BORCS8: variants seen among roughly 807,000 people sequenced by gnomAD.
The protein encoded by BORCS8 is BLOC-1 related complex subunit 8.
Under a neutral mutation model 18.7 loss-of-function variants are expected in BORCS8, and 13 were observed. The ratio of observed to expected loss-of-function variants is 0.70; its 90% CI spans 0.45 to 1.11. BORCS8 has a LOEUF of 1.11. Among genes scored for constraint, BORCS8 ranks in the 50% least tolerant of loss-of-function variants. The pLI is 0.00. For synonymous variants in BORCS8, 68 were observed against 64.8 expected (o/e 1.05, Z -0.24); for missense variants, 165 against 165.7 (o/e 1.00, Z 0.02).
chr19:19,187,088 G>T, intron 1 of BORCS8, 83 bp from the exon 2 acceptor site: 2 of 1,048,952 alleles, frequency 1.9e-6, no homozygotes, highest in Non-Finnish European at 1.4e-6. Flanking sequence ...AGCCCAGCCA[G>T]AGCAAAGGGG....
At position 19,182,628 on chromosome 19, in the gene BORCS8, G is replaced by A. The variant is rs879520465; in HGVS notation, c.271C>T (p.Leu91Phe). The A allele has an allele frequency of 1.9e-6, 3 of 1,551,240 alleles. No homozygotes were observed. The highest frequency in any genetic ancestry group is 2.6e-6 in the Non-Finnish European group (3 of 1,146,942). The change falls in exon 4 of 6, where the codon CTC (leucine) becomes TTC (phenylalanine). Residue 91 changes from leucine to phenylalanine, a missense_variant. Transcript: ENST00000462790. This position sits in a 1 kb window ranked among gnomAD's most constrained non-coding sequence, Gnocchi z 4.1. ...TCCCGGATGCTGATGGCCTGTTTGAGCAGACCCTCCACGCTGCGGAAGTAG... is the reference window on the plus strand; with the variant it reads ...TCCCGGATGCTGATGGCCTGTTTGAACAGACCCTCCACGCTGCGGAAGTAG... Reference protein sequence around the residue: ...SVYFRSVEGLLKQAISIRDHM... With the variant: ...SVYFRSVEGLFKQAISIRDHM...
chr19:19,186,800 A>T (rs1258812248), intron 2 of BORCS8, 93 bp downstream of exon 2: 2 of 848,948 alleles, frequency 2.4e-6, no homozygotes, highest in Non-Finnish European at 3.6e-6. Context: ...CACGCCTCTG[A>T]CCTGGCTTTG....
chr19:19,182,072 T>A lies in BORCS8; in HGVS notation c.326+501A>T, dbSNP rs1451073226. 2.0e-6 allele frequency: 2 copies of A among 984,102 alleles called. No individual in the cohort carries two copies. Among genetic ancestry groups the A allele is most frequent in the Non-Finnish European group, 2.4e-6 (2 of 829,160 alleles). 61.0% of individuals were successfully genotyped at this position (984,102 alleles called of 1,614,324 possible). ...GGCCCCTGCCATCTCCCTGGCCCCA[T>A]CTCCCCCAGCTGGCCGGCTCCAGCC... On this transcript the variant is annotated intron_variant, in intron 4 of 5. Coordinates refer to ENST00000462790, the MANE Select transcript of BORCS8 (RefSeq NM_001145784.2). This position sits in a 1 kb window ranked among gnomAD's most constrained non-coding sequence, Gnocchi z 4.1.
chr19:19,191,171 G>A (rs1332984506), intron 1 of BORCS8, among the ~76,000 whole-genome samples: 2 of 152,054 alleles, frequency 1.3e-5, no homozygotes, highest in Non-Finnish European at 2.9e-5. Context: ...TGAGCAACAA[G>A]GTGAAACCCC....
At position 19,182,776 on chromosome 19, in the gene BORCS8, G is replaced by A. The variant is rs1383824513; in HGVS notation, c.216-93C>T. On this transcript the variant is annotated intron_variant, in intron 3 of 5. Transcript: ENST00000462790. The surrounding 1 kb of genome is among the most constrained non-coding windows in gnomAD (Gnocchi z 4.1). ...TGAGGTCACCACCAGGGCTCGGTGG[G>A]TACCTCAGTGATTCTGCGGGCTTCC... is the stretch of plus-strand genomic sequence containing the variant. 1.4e-6 allele frequency: 2 copies of A among 1,423,722 alleles called. No homozygotes were observed. Among genetic ancestry groups the A allele is most frequent in the African/African-American group, 1.4e-5 (1 of 69,830 alleles). The allele number at this position is 1,423,722 out of a possible 1,614,324, so 88.2% of individuals were successfully genotyped here. A position where few individuals can be genotyped will look rare whatever the true frequency, so the allele number is the denominator to read the frequency against.
chr19:19,189,338 CCTT>C (rs1292031636), intron 1 of BORCS8, among the ~76,000 whole-genome samples: 1 of 152,166 alleles, frequency 6.6e-6, no homozygotes, highest in Non-Finnish European at 1.5e-5. Context: ...GCCAGATCCA[CCTT>C]CTCCCTGGCC....
intron 1 of BORCS8, among the ~76,000 whole-genome samples, chr19:19,188,542 C>T (rs1367581974): frequency 6.6e-6 from 1 of 152,130 alleles, no homozygotes; most frequent in East Asian, 1.9e-4. Context: ...ATTCTTTTTG[C>T]CCCCGTGACC....
In BORCS8 at chr19:19,182,607, G is replaced by A. The variant is rs1022797733; in HGVS notation, c.292C>T (p.Arg98Trp). The A allele has an allele frequency of 4.1e-5, 64 of 1,551,064 alleles. No individual in the cohort carries two copies. Among genetic ancestry groups the A allele is most frequent in the Non-Finnish European group, 5.5e-5 (63 of 1,146,916 alleles). The stretch of plus-strand genomic sequence containing the variant: ...TGGGCACTGGCATTCATATGGTCCC[G>A]GATGCTGATGGCCTGTTTGAGCAGA... ...EGLLKQAISIRDHMNASAQGH... is the reference protein window; with the variant it reads ...EGLLKQAISIWDHMNASAQGH... Residue 98 changes from arginine (R) to tryptophan (W), a missense_variant, in exon 4 of 6, where the codon CGG becomes TGG. Physicochemically the swap from Arg to Trp is moderately radical, Grantham distance 101 (BLOSUM62 -3). Coordinates refer to ENST00000462790, the MANE Select transcript of BORCS8 (RefSeq NM_001145784.2). The surrounding 1 kb of genome is among the most constrained non-coding windows in gnomAD (Gnocchi z 4.1).
intron 4 of BORCS8, 73 bp from the exon 5 acceptor site, chr19:19,180,834 G>A (rs757518825): frequency 2.1e-5 from 30 of 1,424,032 alleles, no homozygotes; most frequent in Non-Finnish European, 2.7e-5. Flanking sequence ...TGGCTGGAGT[G>A]TATGTTTGGG....
At chr19:19,191,194 A>T (rs868163145) in intron 1 of BORCS8, among the ~76,000 whole-genome samples, 2 of 152,122 alleles carry the variant, frequency 1.3e-5, no homozygotes, top group Non-Finnish European at 2.9e-5. Flanking sequence ...CTCTACTAAA[A>T]ATACAAAAAA....
At chr19:19,180,903 G>T (rs1333047562) in intron 4 of BORCS8, 142 bp from the exon 5 acceptor site, 5 of 863,988 alleles carry the variant, frequency 5.8e-6, no homozygotes, top group East Asian at 2.9e-5. Flanking sequence ...GCTTAAAAGT[G>T]GGATGAGTGG....
At chr19:19,191,228 G>T (rs964737031) in intron 1 of BORCS8, among the ~76,000 whole-genome samples, 8 of 151,878 alleles carry the variant, frequency 5.3e-5, no homozygotes, top group African/African-American at 1.9e-4. Context: ...GGGGGTGTGT[G>T]CCTGTAATCC....
In BORCS8 at chr19:19,182,653, G is replaced by C. The variant is rs769728175; in HGVS notation, c.246C>G (p.Val82=). ...GCAGACCCTCCACGCTGCGGAAGTA[G>C]ACGCTGCTGTCCACCAGGTTCTTCA... The part of the protein sequence containing the change: ...SAVKNLVDSS[V]YFRSVEGLLK... The change falls in exon 4 of 6, where the codon GTC becomes GTG. Residue 82 remains valine (V), a synonymous_variant. Transcript: ENST00000462790. The surrounding 1 kb of genome is among the most constrained non-coding windows in gnomAD (Gnocchi z 4.1). 1.9e-6 allele frequency: 3 copies of C among 1,551,190 alleles called. No homozygotes were observed. The highest frequency in any genetic ancestry group is 1.2e-5 in the South Asian group (1 of 84,044).
intron 3 of BORCS8, among the ~76,000 whole-genome samples, chr19:19,183,325 GCA>G (rs2060369039): frequency 6.6e-6 from 1 of 151,556 alleles, no homozygotes; most frequent in Non-Finnish European, 1.5e-5. Flanking sequence ...CAGGAGAATG[GCA>G]TGAACCTGGG....
At chr19:19,181,873 G>GA (rs2060352486) in intron 4 of BORCS8, 1 of 985,468 alleles carries the variant, frequency 1.0e-6, no homozygotes. Flanking sequence ...CCTGGCACAT[G>GA]AGTGTGTGTT....
chr19:19,181,136 A>C lies in BORCS8; in HGVS notation c.327-375T>G, dbSNP rs1825324774. On this transcript the variant is annotated intron_variant, in intron 4 of 5. Transcript: ENST00000462790. Reference sequence around the variant, plus strand: ...CTTGGAACCCAGAGAGGGAGGCTGGAGTGAGCTAAGATCGCACCAGTGCAC... The same window carrying C: ...CTTGGAACCCAGAGAGGGAGGCTGGCGTGAGCTAAGATCGCACCAGTGCAC... Among the ~76,000 whole-genome samples the C allele has an allele frequency of 2.0e-5, 3 of 150,884 alleles. No individual in the cohort carries two copies. The South Asian group carries it at 6.3e-4, about 32-fold the overall frequency.
intron 5 of BORCS8, chr19:19,179,370 AG>A: frequency 6.5e-6 from 1 of 152,696 alleles, no homozygotes; most frequent in South Asian, 2.1e-4. Context: ...ACAGGTACTC[AG>A]GAAGTATGCA....
chr19:19,178,501 G>A (rs113024817), intron 5 of BORCS8: 398 of 152,742 alleles, frequency 2.6e-3, no homozygotes, highest in African/African-American at 9.0e-3. Context: ...TTCTGGGCGT[G>A]GGCGATGACC....
intron 4 of BORCS8, among the ~76,000 whole-genome samples, chr19:19,181,208 A>G (rs1428669657): frequency 4.1e-5 from 6 of 145,710 alleles, no homozygotes; most frequent in Non-Finnish European, 6.1e-5. Context: ...AAAAAAAAAA[A>G]GGGACAAATG....
Sources: gnomAD v4.1 joint callset for allele counts (sites outside exome capture counted in the v4.1 genomes callset) on GRCh38, gnomAD v4.1.1 for gene constraint, Gnocchi (gnomAD v3.1) non-coding constraint, MANE v1.5 for transcripts, NCBI Gene and HGNC (gene_info 2026-07-23, HGNC 2026-07-21) for gene names.